Variants in CAST observed in about 807,000 individuals in gnomAD.
The protein encoded by CAST is calpastatin.
CAST carries 76 observed loss-of-function variants against 119.6 expected under a neutral mutation model. That is an observed-to-expected ratio of 0.64 (90% confidence interval 0.53 to 0.77). The LOEUF is 0.77. CAST is among the 30% of genes least tolerant of loss of function. The pLI is 0.00. For missense variants in CAST, 953 were observed against 946.5 expected (o/e 1.01, Z -0.09); for synonymous variants, 319 against 331.6 (o/e 0.96, Z 0.41).
At chr5:96,324,475 A>G in the CAST span, among the ~76,000 whole-genome samples, 12 of 152,160 alleles carry the variant, frequency 7.9e-5, no homozygotes, top group Admixed American at 3.3e-4. Flanking sequence ...TTTCTTGCCT[A>G]CTTAGACACA....
At chr5:96,019,084 C>A in the CAST span, among the ~76,000 whole-genome samples, 6 of 152,174 alleles carry the variant, frequency 3.9e-5, no homozygotes, top group South Asian at 1.2e-3. Flanking sequence ...GGTAACAAAT[C>A]AAGATAGAAA....
the CAST span, among the ~76,000 whole-genome samples, chr5:96,277,684 C>G: frequency 1.3e-5 from 2 of 151,312 alleles, no homozygotes; most frequent in African/African-American, 4.9e-5. Flanking sequence ...GGAGTAGAAA[C>G]TAAAGGGATG....
chr5:96,247,349 TG>T, the CAST span, among the ~76,000 whole-genome samples: 6 of 152,258 alleles, frequency 3.9e-5, no homozygotes, highest in African/African-American at 1.4e-4. Flanking sequence ...ATGTGTATTC[TG>T]GCTGCCTAGA....
chr5:96,425,068 GAAAGAA>G, the CAST span, among the ~76,000 whole-genome samples: 1 of 136,366 alleles, frequency 7.3e-6, no homozygotes, highest in African/African-American at 2.7e-5. Context: ...AAGAAAGAAA[GAAAGAA>G]AACGTAGGGT....
At chr5:96,342,575 T>C in the CAST span, among the ~76,000 whole-genome samples, 1 of 152,210 alleles carries the variant, frequency 6.6e-6, no homozygotes, top group Non-Finnish European at 1.5e-5. Flanking sequence ...ATTTCAGGTC[T>C]ATTTGGAGAC....
chr5:96,386,176 AT>A, the CAST span, among the ~76,000 whole-genome samples: 1 of 151,926 alleles, frequency 6.6e-6, no homozygotes, highest in African/African-American at 2.4e-5. Context: ...TGCTTTAGAA[AT>A]TTTTTTTTGT....
the CAST span, among the ~76,000 whole-genome samples, chr5:96,141,861 G>T: frequency 6.6e-6 from 1 of 152,190 alleles, no homozygotes; most frequent in Non-Finnish European, 1.5e-5. Flanking sequence ...GGCGGCATGC[G>T]CTAATGTTAG....
the CAST span, among the ~76,000 whole-genome samples, chr5:96,488,883 T>C: frequency 5.3e-5 from 8 of 152,338 alleles, no homozygotes; most frequent in African/African-American, 1.7e-4. Flanking sequence ...TTTTTGAGGC[T>C]CAACTCTACT....
intron 1 of CAST, among the ~76,000 whole-genome samples, chr5:96,583,196 A>C (rs558572109): frequency 1.3e-4 from 20 of 151,460 alleles, no homozygotes; most frequent in Admixed American, 3.3e-4. Flanking sequence ...TCAGAATTGG[A>C]TAATTTTCTT....
intron 1 of CAST, among the ~76,000 whole-genome samples, chr5:96,648,242 A>G (rs779239231): frequency 3.9e-5 from 6 of 152,138 alleles, no homozygotes; most frequent in Non-Finnish European, 8.8e-5. Flanking sequence ...CCTCTTTCAA[A>G]ACCCACTTTC....
chr5:96,219,216 C>T, the CAST span, among the ~76,000 whole-genome samples: 1 of 152,098 alleles, frequency 6.6e-6, no homozygotes, highest in Non-Finnish European at 1.5e-5. Flanking sequence ...TTCTTGAACT[C>T]ATAGAGGTTC....
the CAST span, chr5:95,970,263 A>G: frequency 6.6e-6 from 1 of 152,216 alleles, no homozygotes; most frequent in East Asian, 1.9e-4. Context: ...TCACTGTTGT[A>G]GGCAGTTATT....
chr5:96,573,211 TC>T (rs1296601329), intron 1 of CAST, among the ~76,000 whole-genome samples: 2 of 152,234 alleles, frequency 1.3e-5, no homozygotes, highest in Non-Finnish European at 2.9e-5. Context: ...TTCTAATGTA[TC>T]TTTTGTCTCC....
At chr5:96,736,356 T>G (rs929864487) in intron 10 of CAST, 116 bp downstream of exon 10, 2 of 595,294 alleles carry the variant, frequency 3.4e-6, no homozygotes, top group Non-Finnish European at 5.8e-6. Flanking sequence ...AGGACCATTT[T>G]AATGAATTAT....
the CAST span, among the ~76,000 whole-genome samples, chr5:96,199,864 G>C: frequency 1.3e-5 from 2 of 152,062 alleles, no homozygotes; most frequent in Non-Finnish European, 2.9e-5. Context: ...GCTTGTTTGA[G>C]CATTTAGTAC....
chr5:96,055,343 A>G, the CAST span, among the ~76,000 whole-genome samples: 1 of 152,208 alleles, frequency 6.6e-6, no homozygotes, highest in East Asian at 1.9e-4. Context: ...CAGCTGATTA[A>G]CAGCTGCTAT....
At chr5:96,323,664 T>A in the CAST span, among the ~76,000 whole-genome samples, 17 of 152,352 alleles carry the variant, frequency 1.1e-4, no homozygotes, top group Admixed American at 3.3e-4. Context: ...TGACCACTTA[T>A]TGTTCTGGCC....
the CAST span, among the ~76,000 whole-genome samples, chr5:95,987,812 C>T: frequency 3.9e-5 from 6 of 152,120 alleles, no homozygotes; most frequent in African/African-American, 1.4e-4. Flanking sequence ...ATTAGCTATA[C>T]GTGACTATTT....
chr5:96,706,728 CCT>C (rs1755054414), intron 3 of CAST, among the ~76,000 whole-genome samples: 1 of 152,174 alleles, frequency 6.6e-6, no homozygotes, highest in South Asian at 2.1e-4. Flanking sequence ...CGTGCTTTCC[CCT>C]GAGACACTCC....
Sources: gnomAD v4.1 joint callset for allele counts (sites outside exome capture counted in the v4.1 genomes callset) on GRCh38, gnomAD v4.1.1 for gene constraint, MANE v1.5 for transcripts, NCBI Gene and HGNC (gene_info 2026-07-23, HGNC 2026-07-21) for gene names.